NLGN1: variants seen among roughly 807,000 people sequenced by gnomAD.
NLGN1 encodes the protein neuroligin 1, also known as neuroligin-1.
Under a neutral mutation model 65.5 loss-of-function variants are expected in NLGN1, and 12 were observed. The observed-to-expected ratio is 0.18, with a 90% CI of 0.12 to 0.30. NLGN1 has a LOEUF of 0.30. Among genes scored for constraint, NLGN1 ranks in the 10% least tolerant of loss-of-function variants. NLGN1 has a pLI of 1.00. For synonymous variants in NLGN1, 350 were observed against 359.5 expected, an observed-to-expected ratio of 0.97 and a Z score of 0.30; for missense variants, 750 against 1,007.1, an observed-to-expected ratio of 0.74 and a Z score of 3.46.
At chr3:173,747,386 A>G (rs1775628677) in intron 3 of NLGN1, among the ~76,000 whole-genome samples, 1 of 146,590 alleles carries the variant, frequency 6.8e-6, no homozygotes, top group Admixed American at 6.9e-5. Flanking sequence ...ACTTAAAGAT[A>G]TATATATTTA....
At chr3:174,042,707 T>G (rs1019137199) in intron 4 of NLGN1, among the ~76,000 whole-genome samples, 1 of 152,200 alleles carries the variant, frequency 6.6e-6, no homozygotes, top group Non-Finnish European at 1.5e-5. Context: ...CTCTATTAAA[T>G]AAACTTTTTT....
At chr3:173,800,865 A>G (rs1715329730) in intron 3 of NLGN1, among the ~76,000 whole-genome samples, 1 of 152,014 alleles carries the variant, frequency 6.6e-6, no homozygotes, top group Non-Finnish European at 1.5e-5. Flanking sequence ...TTTTAATGTA[A>G]AAAATACTGT....
At chr3:173,702,623 CAA>C (rs1767397750) in intron 3 of NLGN1, among the ~76,000 whole-genome samples, 1 of 152,074 alleles carries the variant, frequency 6.6e-6, no homozygotes, top group African/African-American at 2.4e-5. Context: ...TCTTATTCTG[CAA>C]AGATATAATA....
chr3:174,109,095 C>G (rs1576918716), intron 4 of NLGN1, among the ~76,000 whole-genome samples: 1 of 151,898 alleles, frequency 6.6e-6, no homozygotes, highest in South Asian at 2.1e-4. Context: ...ACAATAAATT[C>G]TTATTAAATT....
chr3:174,197,533 AAAAAG>A (rs1733673944), intron 4 of NLGN1, among the ~76,000 whole-genome samples: 1 of 151,168 alleles, frequency 6.6e-6, no homozygotes, highest in Non-Finnish European at 1.5e-5. Flanking sequence ...AAAAAAAAAA[AAAAAG>A]GAGAATCCAG....
intron 4 of NLGN1, among the ~76,000 whole-genome samples, chr3:173,838,066 G>A (rs1226355540): frequency 6.6e-6 from 1 of 152,192 alleles, no homozygotes; most frequent in East Asian, 1.9e-4. Context: ...GAGATATTAC[G>A]TGATGACAGG....
chr3:173,420,748 C>A (rs568815356), intron 1 of NLGN1, among the ~76,000 whole-genome samples: 2 of 152,098 alleles, frequency 1.3e-5, no homozygotes, highest in Non-Finnish European at 2.9e-5. Context: ...CTTCTTCTTC[C>A]GGTGTGGCCC....
downstream of NLGN1, among the ~76,000 whole-genome samples, chr3:174,289,819 C>T (rs905401013): frequency 6.7e-5 from 10 of 149,788 alleles, no homozygotes; most frequent in African/African-American, 2.0e-4. Flanking sequence ...CACCAATTTG[C>T]ATATAAATCT....
chr3:173,804,629 T>C (rs1325674907), intron 3 of NLGN1, among the ~76,000 whole-genome samples: 2 of 72,832 alleles, frequency 2.7e-5, no homozygotes, highest in Non-Finnish European at 5.6e-5. Context: ...ATAGTTGTAA[T>C]TGAGAGCCTT....
chr3:173,481,241 T>G (rs1727228328), intron 2 of NLGN1, among the ~76,000 whole-genome samples: 1 of 152,020 alleles, frequency 6.6e-6, no homozygotes. Flanking sequence ...TTGGTAATGT[T>G]TTATAACAAC....
chr3:173,960,315 A>C (rs1019574969), intron 4 of NLGN1, among the ~76,000 whole-genome samples: 3 of 152,030 alleles, frequency 2.0e-5, no homozygotes, highest in African/African-American at 7.2e-5. Flanking sequence ...AAATATTTGC[A>C]GATAAAAATT....
chr3:173,997,782 T>A (rs1248999971), intron 4 of NLGN1, among the ~76,000 whole-genome samples: 1 of 152,098 alleles, frequency 6.6e-6, no homozygotes, highest in Non-Finnish European at 1.5e-5. Context: ...AAAAATATCC[T>A]TATTTATTCT....
chr3:173,717,795 T>C (rs1368426059), intron 3 of NLGN1, among the ~76,000 whole-genome samples: 1 of 151,986 alleles, frequency 6.6e-6, no homozygotes, highest in Non-Finnish European at 1.5e-5. Context: ...CAGGAGACAA[T>C]TAAAGATATC....
chr3:173,416,914 A>G (rs961515432), intron 1 of NLGN1, among the ~76,000 whole-genome samples: 7 of 152,142 alleles, frequency 4.6e-5, no homozygotes, highest in African/African-American at 1.2e-4. Context: ...TTGAAAGTTC[A>G]TATAAAATAA....
chr3:173,781,036 C>T (rs917505804), intron 3 of NLGN1, among the ~76,000 whole-genome samples: 1 of 149,232 alleles, frequency 6.7e-6, no homozygotes, highest in African/African-American at 2.5e-5. Context: ...CCCAGCTACT[C>T]GGGAGGCTGA....
chr3:173,441,787 T>C (rs1195934907), intron 2 of NLGN1, among the ~76,000 whole-genome samples: 1 of 152,176 alleles, frequency 6.6e-6, no homozygotes, highest in Non-Finnish European at 1.5e-5. Flanking sequence ...CACCAATCAA[T>C]TTGGCTAATG....
chr3:174,287,925 A>G (rs2152901795), downstream of NLGN1, among the ~76,000 whole-genome samples: 1 of 151,696 alleles, frequency 6.6e-6, no homozygotes, highest in Non-Finnish European at 1.5e-5. Flanking sequence ...AACATCAATC[A>G]AGCAATGAAA....
rs140872977 is a variant in NLGN1, at chr3:173,790,820, C to T, written c.494-16860C>T. Among the ~76,000 whole-genome samples the T allele has an allele frequency of 2.4e-3, 372 of 152,120 alleles. 2 individuals carry two copies. The highest frequency in any genetic ancestry group is 8.6e-3 in the African/African-American group (357 of 41,504). On this transcript the variant is annotated intron_variant, in intron 3 of 6. Coordinates refer to ENST00000457714, the Ensembl canonical transcript of NLGN1. ...TAGGAGGCACTTTTAATTATTATCACAATATTTTTAGAAGAGTATGGCATT... is the reference window on the plus strand; with the variant it reads ...TAGGAGGCACTTTTAATTATTATCATAATATTTTTAGAAGAGTATGGCATT...
intron 4 of NLGN1, among the ~76,000 whole-genome samples, chr3:174,067,084 T>TGGGGGAACA (rs1738778816): frequency 1.3e-5 from 2 of 152,076 alleles, no homozygotes; most frequent in Non-Finnish European, 2.9e-5. Context: ...GAAGTTACCT[T>TGGGGGAACA]AAATAACTCC....
Sources: gnomAD v4.1 joint callset for allele counts (sites outside exome capture counted in the v4.1 genomes callset) on GRCh38, gnomAD v4.1.1 for gene constraint, MANE v1.5 for transcripts, NCBI Gene and HGNC (gene_info 2026-07-23, HGNC 2026-07-21) for gene names.